MYH11: variants seen among roughly 807,000 people sequenced by gnomAD.
MYH11 encodes myosin heavy chain 11, also known as myosin-11.
MYH11 carries 80 observed loss-of-function variants against 246.6 expected under a neutral mutation model. That is an observed-to-expected ratio of 0.32 (90% confidence interval 0.27 to 0.39). The LOEUF (loss-of-function observed/expected upper bound fraction) is 0.39, where lower values mean the gene tolerates loss of function less well. Among genes scored for constraint, MYH11 ranks in the 10% least tolerant of loss-of-function variants. The pLI, the probability that MYH11 is intolerant of heterozygous loss-of-function variation, is 1.00. For missense variants in MYH11, 2,158 were observed against 2,546.8 expected (o/e 0.85, Z 3.29); for synonymous variants, 1,071 against 1,015.5 (o/e 1.05, Z -1.04).
At chr16:15,845,846 C>T (rs1457750978) in intron 1 of MYH11, among the ~76,000 whole-genome samples, 1 of 152,082 alleles carries the variant, frequency 6.6e-6, no homozygotes, top group Non-Finnish European at 1.5e-5. Context: ...AATCCCAGAA[C>T]TTTGGGAGGC....
rs370658839 is a variant in MYH11 at position 15,737,443 on chromosome 16, C to G, written c.3293+6G>C. ...CACAGCAAATGCCCCTTGCCAGCCC[C>G]GCTACCTGGCCAGGGCCGCCTGCAG... On this transcript the variant is annotated splice_donor_region_variant and intron_variant, in intron 25 of 40. Coordinates refer to ENST00000300036, the MANE Select transcript of MYH11 (RefSeq NM_002474.3). The G allele has an allele frequency of 1.8e-5, 29 of 1,611,396 alleles. 1 individual carries two copies. In the South Asian group the frequency reaches 3.2e-4, roughly 18 times the overall value.
chr16:15,760,444 G>A, intron 11 of MYH11, 96 bp downstream of exon 11: 1 of 972,946 alleles, frequency 1.0e-6, no homozygotes, highest in Non-Finnish European at 1.7e-6. Flanking sequence ...TGGGTGAATG[G>A]ATTAATGAAT....
At chr16:15,755,787 C>T (rs2041695824) in intron 14 of MYH11, among the ~76,000 whole-genome samples, 1 of 152,156 alleles carries the variant, frequency 6.6e-6, no homozygotes, top group African/African-American at 2.4e-5. Flanking sequence ...CAAAAATTAG[C>T]TGGGTGTGGT....
intron 2 of MYH11, among the ~76,000 whole-genome samples, chr16:15,826,114 CAACAGA>C (rs1437557052): frequency 6.6e-6 from 1 of 152,094 alleles, no homozygotes. Flanking sequence ...TAGGCCCATC[CAACAGA>C]AACAGAAACT....
At chr16:15,763,759 C>CCCCCAAAA in intron 10 of MYH11, 37 bp downstream of exon 10, 1 of 1,151,252 alleles carries the variant, frequency 8.7e-7, no homozygotes, top group Non-Finnish European at 1.3e-6. Flanking sequence ...CCCCCCAACC[C>CCCCCAAAA]CAAAGTCATT....
intron 20 of MYH11, chr16:15,742,203 C>T (rs2041294252): frequency 2.1e-6 from 1 of 474,136 alleles, no homozygotes; most frequent in East Asian, 4.0e-5. Context: ...AGAAAAGGTA[C>T]AAAGTGAAAG....
At position 15,703,541 on chromosome 16, in the gene MYH11, T is replaced by C. The variant is rs2039295983; in HGVS notation, c.*450A>G. ...TTTCCTGTTGGGTTTTTCTCATCTC[T>C]TACATCATACAAACTTCAATTTTTA... is the stretch of plus-strand genomic sequence containing the variant. On this transcript the variant is annotated 3_prime_UTR_variant, in exon 41 of 41. Transcript: ENST00000300036. 1 of 327,714 alleles carries C rather than the reference T, an allele frequency of 3.1e-6. No homozygotes were observed. The highest frequency in any genetic ancestry group is 5.7e-6 in the Non-Finnish European group (1 of 173,952). The allele number at this position is 327,714 out of a possible 1,614,324, so 20.3% of individuals were successfully genotyped here. A position where few individuals can be genotyped will look rare whatever the true frequency, so the allele number is the denominator to read the frequency against.
At chr16:15,833,463 A>G (rs914245215) in intron 2 of MYH11, among the ~76,000 whole-genome samples, 1 of 152,018 alleles carries the variant, frequency 6.6e-6, no homozygotes, top group African/African-American at 2.4e-5. Context: ...AAAAGACAGC[A>G]TTCAGAAGAC....
chr16:15,810,697 C>T (rs2043119577), intron 3 of MYH11, among the ~76,000 whole-genome samples: 1 of 152,230 alleles, frequency 6.6e-6, no homozygotes, highest in Admixed American at 6.5e-5. Flanking sequence ...ACCCTATCAC[C>T]TCTGCCCCCA....
intron 2 of MYH11, among the ~76,000 whole-genome samples, chr16:15,824,607 T>G (rs138889998): frequency 5.6e-4 from 85 of 152,220 alleles, no homozygotes; most frequent in Non-Finnish European, 1.1e-3. Flanking sequence ...TAACTGAACA[T>G]TGGAGGCATA....
chr16:15,825,749 C>T (rs1223154133), intron 2 of MYH11, among the ~76,000 whole-genome samples: 5 of 152,006 alleles, frequency 3.3e-5, no homozygotes, highest in South Asian at 2.1e-4. Flanking sequence ...AGGCGAGTCC[C>T]GCCATGCTGT....
intron 14 of MYH11, among the ~76,000 whole-genome samples, chr16:15,754,696 C>G (rs62029318): frequency 0.25 from 37,420 of 152,100 alleles, 5,203 homozygotes; most frequent in East Asian, 0.39. Flanking sequence ...CAGAGTGGTT[C>G]TCTGTTGCCC....
intron 6 of MYH11, chr16:15,779,343 T>G (rs1596823559): frequency 4.2e-6 from 1 of 239,112 alleles, no homozygotes; most frequent in East Asian, 1.0e-4. Context: ...GATCTCACTG[T>G]GTTGTCCAGG....
intron 9 of MYH11, among the ~76,000 whole-genome samples, chr16:15,771,317 A>T (rs893598534): frequency 7.2e-5 from 11 of 152,026 alleles, no homozygotes; most frequent in African/African-American, 2.4e-4. Context: ...ACTTCTCAAC[A>T]TTCTGAGTTA....
At chr16:15,798,621 AAAC>A (rs767108493) in intron 4 of MYH11, 36 bp downstream of exon 4, 61,931 of 1,286,822 alleles carry the variant, frequency 0.048, 1,042 homozygotes, top group Non-Finnish European at 0.053. Flanking sequence ...AAAAAAAAAA[AAAC>A]AAAAAAAAAA....
chr16:15,718,290 A>T, intron 37 of MYH11, 25 bp downstream of exon 37: 1 of 1,607,160 alleles, frequency 6.2e-7, no homozygotes, highest in East Asian at 2.2e-5. Flanking sequence ...AGGCAGCGTG[A>T]CTGTGGTGTC....
intron 10 of MYH11, 55 bp downstream of exon 10, chr16:15,763,741 T>TCCGGGGCCCCCCCCCC: frequency 1.5e-6 from 1 of 646,860 alleles, no homozygotes; most frequent in Non-Finnish European, 2.9e-6. Context: ...AAATGTCACC[T>TCCGGGGCCCCCCCCCC]CCCCCACCCC....
intron 8 of MYH11, 41 bp from the exon 9 acceptor site, chr16:15,771,753 C>A (rs1486427486): frequency 2.5e-6 from 4 of 1,612,162 alleles, no homozygotes; most frequent in Non-Finnish European, 3.4e-6. Flanking sequence ...ATAAGACATA[C>A]TTCTAATTTC....
At chr16:15,847,265 T>TTTG in intron 1 of MYH11, among the ~76,000 whole-genome samples, 1 of 116,206 alleles carries the variant, frequency 8.6e-6, no homozygotes, top group Admixed American at 9.5e-5. Context: ...TTTTTTTTTT[T>TTTG]TCTGAGACAG....
Sources: gnomAD v4.1 joint callset for allele counts (sites outside exome capture counted in the v4.1 genomes callset) on GRCh38, gnomAD v4.1.1 for gene constraint, MANE v1.5 for transcripts, NCBI Gene and HGNC (gene_info 2026-07-23, HGNC 2026-07-21) for gene names.